Variants in HGF observed in about 807,000 individuals in gnomAD.
HGF encodes the protein fibroblast-derived tumor cytotoxic factor.
Under a neutral mutation model 111.6 loss-of-function variants are expected in HGF, and 39 were observed. The ratio of observed to expected loss-of-function variants is 0.35; its 90% CI spans 0.27 to 0.46. The LOEUF is 0.46. Ranked by LOEUF, HGF falls within the 20% of genes least tolerant of loss-of-function variation. The pLI is 1.00. For missense variants in HGF, 735 were observed against 910.5 expected, an observed-to-expected ratio of 0.81 and a Z score of 2.48; for synonymous variants, 285 against 294.8, an observed-to-expected ratio of 0.97 and a Z score of 0.34.
At chr7:81,769,828 G>A in intron 1 of HGF, 56 bp downstream of exon 1, 2 of 1,298,998 alleles carry the variant, frequency 1.5e-6, no homozygotes, top group Non-Finnish European at 2.2e-6. Context: ...AATAGGGAAG[G>A]TTAGCAGGAG....
chr7:81,762,585 C>T, intron 2 of HGF, 122 bp downstream of exon 2: 1 of 820,832 alleles, frequency 1.2e-6, no homozygotes. Context: ...TGAGTTAAAT[C>T]TAGAGTCAAA....
At chr7:81,737,569 G>A (rs1787873662) in intron 7 of HGF, among the ~76,000 whole-genome samples, 1 of 152,028 alleles carries the variant, frequency 6.6e-6, no homozygotes, top group Non-Finnish European at 1.5e-5. Context: ...CACATGATAT[G>A]TGATATCCTG....
At chr7:81,707,242 T>C in intron 14 of HGF, 48 bp downstream of exon 14, 2 of 996,418 alleles carry the variant, frequency 2.0e-6, no homozygotes, top group Middle Eastern at 2.3e-4. Flanking sequence ...GTGGAAGACA[T>C]ACACATTTTA....
At chr7:81,742,774 A>C (rs1306341215) in intron 7 of HGF, 2 of 1,533,290 alleles carry the variant, frequency 1.3e-6, no homozygotes, top group African/African-American at 2.7e-5. Context: ...TGGACTGCTA[A>C]AAGACAGATC....
intron 17 of HGF, among the ~76,000 whole-genome samples, chr7:81,705,093 TCTAA>T (rs1789386844): frequency 2.0e-5 from 3 of 151,820 alleles, no homozygotes; most frequent in Non-Finnish European, 2.9e-5. Flanking sequence ...AAACCATTGA[TCTAA>T]CTGATTTGGA....
intron 13 of HGF, among the ~76,000 whole-genome samples, chr7:81,708,365 G>C (rs992251030): frequency 2.1e-4 from 32 of 151,918 alleles, no homozygotes; most frequent in Middle Eastern, 3.2e-3. Flanking sequence ...TCCAACAATG[G>C]AGATGACCAA....
At chr7:81,742,662 G>A in intron 7 of HGF, 1 of 1,244,220 alleles carries the variant, frequency 8.0e-7, no homozygotes. Context: ...AGAGGACCAA[G>A]TTCACAGATT....
Position 81,760,688 on chromosome 7 carries a change from T to C in HGF, c.255-1884A>G, listed in dbSNP as rs867547786. Among the ~76,000 whole-genome samples the C allele has an allele frequency of 5.4e-4, 75 of 140,096 alleles. 1 individual carries two copies. The highest frequency in any genetic ancestry group is 1.3e-3 in the Admixed American group (18 of 14,052). The allele number at this position is 140,096 out of a possible 152,430, so 91.9% of individuals were successfully genotyped here. Reference sequence around the variant, plus strand: ...GTGTGTCTATGTGCGTGCGTGTGTGTGTGTGTGTGTGTGTGTGTGTGTGTG... The same window carrying C: ...GTGTGTCTATGTGCGTGCGTGTGTGCGTGTGTGTGTGTGTGTGTGTGTGTG... On this transcript the variant is annotated intron_variant, in intron 2 of 17. Transcript: ENST00000222390.
chr7:81,761,208 A>C (rs1482956864), intron 2 of HGF, among the ~76,000 whole-genome samples: 1 of 152,202 alleles, frequency 6.6e-6, no homozygotes, highest in African/African-American at 2.4e-5. Flanking sequence ...TATTTCTAAC[A>C]ATAGCAAGGC....
intron 8 of HGF, among the ~76,000 whole-genome samples, chr7:81,728,550 C>G (rs763068612): frequency 6.6e-6 from 1 of 151,950 alleles, no homozygotes; most frequent in South Asian, 2.1e-4. Flanking sequence ...CCATGGGTCA[C>G]GAATAGAGAG....
intron 7 of HGF, chr7:81,742,676 A>G: frequency 3.1e-6 from 4 of 1,298,980 alleles, no homozygotes; most frequent in Non-Finnish European, 3.9e-6. Context: ...ACAGATTGAA[A>G]GGAACAATAT....
intron 1 of HGF, among the ~76,000 whole-genome samples, chr7:81,766,840 C>T (rs983606673): frequency 2.0e-5 from 3 of 152,128 alleles, no homozygotes; most frequent in Admixed American, 2.0e-4. Context: ...ACATTTTCAA[C>T]AAAAAAACTT....
rs1429303926 is a variant in HGF at position 81,702,617 on chromosome 7, G to A, written c.2151C>T (p.His717=). 2.5e-6 allele frequency: 4 copies of A among 1,611,098 alleles called. No individual in the cohort carries two copies. The highest frequency in any genetic ancestry group is 2.7e-5 in the African/African-American group (2 of 74,826). The change falls in exon 18 of 18, where the codon CAC becomes CAT. Residue 717 remains histidine (H), a synonymous_variant. Transcript: ENST00000222390. ...GTACCTTATATGTTAAAATAATTTTGTGTATCCATTTTGCATAATATGCTA... is the reference window on the plus strand; with the variant it reads ...GTACCTTATATGTTAAAATAATTTTATGTATCCATTTTGCATAATATGCTA... ...VRVAYYAKWI[H]KIILTYKVPQ...
chr7:81,743,686 T>C (rs1788102332), intron 6 of HGF, among the ~76,000 whole-genome samples: 1 of 152,196 alleles, frequency 6.6e-6, no homozygotes, highest in Non-Finnish European at 1.5e-5. Flanking sequence ...CCCTGGCTAA[T>C]AAGTTAGGTC....
rs999572101 is a variant in HGF at position 81,699,870 on chromosome 7, A to C, written c.*2711T>G. On this transcript the variant is annotated 3_prime_UTR_variant, in exon 18 of 18. Coordinates refer to ENST00000222390, the MANE Select transcript of HGF (RefSeq NM_000601.6). ...GCAAGCAAAAGCCTGTTAATACTAGAAATTGACTCAATAGATTTTACTGAG... is the reference window on the plus strand; with the variant it reads ...GCAAGCAAAAGCCTGTTAATACTAGCAATTGACTCAATAGATTTTACTGAG... The C allele has an allele frequency of 6.6e-6, 1 of 151,708 alleles. No individual in the cohort carries two copies. The highest frequency in any genetic ancestry group is 2.4e-5 in the African/African-American group (1 of 41,416). 9.4% of individuals were successfully genotyped at this position (151,708 alleles called of 1,614,324 possible). A position where few individuals can be genotyped will look rare whatever the true frequency, so the allele number is the denominator to read the frequency against.
At chr7:81,759,895 T>C (rs1039310367) in intron 2 of HGF, among the ~76,000 whole-genome samples, 9 of 152,194 alleles carry the variant, frequency 5.9e-5, no homozygotes, top group Non-Finnish European at 1.3e-4. Flanking sequence ...ATATTGGTTT[T>C]TTGTTATTGT....
chr7:81,753,102 A>C (rs1788585395), intron 4 of HGF, among the ~76,000 whole-genome samples: 4 of 152,088 alleles, frequency 2.6e-5, no homozygotes, highest in African/African-American at 9.7e-5. Flanking sequence ...TATAATAGTA[A>C]GCCATTGAGT....
intron 1 of HGF, among the ~76,000 whole-genome samples, chr7:81,763,989 G>A (rs1418085646): frequency 6.6e-6 from 1 of 152,140 alleles, no homozygotes; most frequent in Non-Finnish European, 1.5e-5. Context: ...GGCTAAGATT[G>A]TAGTGGAAAT....
intron 7 of HGF, among the ~76,000 whole-genome samples, chr7:81,732,399 G>A (rs1279232147): frequency 6.6e-6 from 1 of 152,140 alleles, no homozygotes; most frequent in Non-Finnish European, 1.5e-5. Context: ...CTACTGTAAG[G>A]ATATGCCTGG....
Sources: allele counts gnomAD v4.1 joint callset (sites outside exome capture counted in the v4.1 genomes callset), GRCh38; gene constraint gnomAD v4.1.1; transcripts MANE v1.5; gene names NCBI Gene and HGNC (gene_info 2026-07-23, HGNC 2026-07-21).